Variants in KLHDC1 observed in about 807,000 individuals in gnomAD.
The protein encoded by KLHDC1 is kelch domain containing 1, also known as kelch domain-containing protein 1.
KLHDC1 carries 53 observed loss-of-function variants against 68.3 expected under a neutral mutation model. The ratio of observed to expected loss-of-function variants is 0.78; its 90% CI spans 0.62 to 0.98. The LOEUF is 0.98. KLHDC1 is among the 50% of genes least tolerant of loss of function. The pLI is 0.00. For synonymous variants in KLHDC1, 148 were observed against 159.0 expected, an observed-to-expected ratio of 0.93 and a Z score of 0.52; for missense variants, 470 against 492.3, an observed-to-expected ratio of 0.95 and a Z score of 0.43.
intron 1 of KLHDC1, among the ~76,000 whole-genome samples, chr14:49,702,669 A>G (rs970904775): frequency 6.6e-6 from 1 of 152,162 alleles, no homozygotes; most frequent in Non-Finnish European, 1.5e-5. Flanking sequence ...TGTATCCTCA[A>G]TGTCTAGAAC....
In KLHDC1 at chr14:49,709,237, AT is replaced by A; in HGVS notation, c.167+12del. The A allele has an allele frequency of 8.3e-7, 1 of 1,208,230 alleles. No homozygotes were observed. Among genetic ancestry groups the A allele is most frequent in the Non-Finnish European group, 1.2e-6 (1 of 833,736 alleles). The allele number at this position is 1,208,230 out of a possible 1,614,324, so 74.8% of individuals were successfully genotyped here. ...TATTGATAGTGGGTTGTGGTAAGTA[AT>A]TTTAAATTGCATACTGTCTGATCTT... On this transcript the variant is annotated intron_variant, in intron 2 of 12. Coordinates refer to ENST00000359332, the MANE Select transcript of KLHDC1 (RefSeq NM_172193.3).
At chr14:49,705,361 C>CTTTTTTTTTTTTTTTTTTTTTT (rs1334189965) in intron 1 of KLHDC1, among the ~76,000 whole-genome samples, 1 of 35,308 alleles carries the variant, frequency 2.8e-5, no homozygotes, top group African/African-American at 7.4e-5. Flanking sequence ...ATATTTCTTT[C>CTTTTTTTTTTTTTTTTTTTTTT]TTTCTTTTTT....
chr14:49,729,451 A>G, intron 7 of KLHDC1, 39 bp from the exon 8 acceptor site: 1 of 1,383,536 alleles, frequency 7.2e-7, no homozygotes, highest in South Asian at 1.2e-5. Flanking sequence ...CTGATAAAAG[A>G]TGTGAAATAC....
At chr14:49,750,177 T>C (rs1889291175) in intron 12 of KLHDC1, among the ~76,000 whole-genome samples, 1 of 152,214 alleles carries the variant, frequency 6.6e-6, no homozygotes, top group South Asian at 2.1e-4. Flanking sequence ...AACAGCAGAT[T>C]CCTTCGCATG....
chr14:49,717,147 G>A (rs898739194), intron 4 of KLHDC1, among the ~76,000 whole-genome samples: 9 of 152,126 alleles, frequency 5.9e-5, no homozygotes, highest in South Asian at 4.1e-4. Context: ...CTACCTTTTC[G>A]CTATTTGTGA....
At chr14:49,729,964 A>G (rs746428613) in intron 8 of KLHDC1, among the ~76,000 whole-genome samples, 21 of 152,212 alleles carry the variant, frequency 1.4e-4, no homozygotes, top group Non-Finnish European at 2.1e-4. Flanking sequence ...AATCAGAGCT[A>G]TATATTATTC....
At chr14:49,725,450 A>G (rs1207038631) in intron 5 of KLHDC1, among the ~76,000 whole-genome samples, 3 of 152,308 alleles carry the variant, frequency 2.0e-5, no homozygotes, top group Non-Finnish European at 2.9e-5. Context: ...AACAAGTAAA[A>G]TTATGATTCA....
intron 11 of KLHDC1, among the ~76,000 whole-genome samples, chr14:49,740,971 G>A (rs1889051158): frequency 6.6e-6 from 1 of 152,126 alleles, no homozygotes; most frequent in Admixed American, 6.5e-5. Flanking sequence ...GTGCATGCCT[G>A]TAGTCCCAGC....
chr14:49,733,783 A>G (rs1427803464), intron 9 of KLHDC1, among the ~76,000 whole-genome samples: 1 of 152,190 alleles, frequency 6.6e-6, no homozygotes, highest in Non-Finnish European at 1.5e-5. Context: ...AAGAAACATT[A>G]TACACTATTA....
At chr14:49,701,776 A>G (rs1347398092) in intron 1 of KLHDC1, among the ~76,000 whole-genome samples, 1 of 152,068 alleles carries the variant, frequency 6.6e-6, no homozygotes, top group African/African-American at 2.4e-5. Context: ...GCTCATGCCT[A>G]TAATCCCAGC....
At chr14:49,751,077 G>T (rs1459889593) in intron 12 of KLHDC1, 3 of 152,228 alleles carry the variant, frequency 2.0e-5, no homozygotes, top group African/African-American at 7.2e-5. Flanking sequence ...ACATAAACAG[G>T]AGCTGCCATA....
chr14:49,743,796 C>T lies in KLHDC1; in HGVS notation c.1025C>T (p.Ser342Leu), dbSNP rs1037648795. Residue 342 changes from serine to leucine, a missense_variant, in exon 12 of 13, where the codon TCA becomes TTA. By Grantham distance (145) the Ser-to-Leu change is moderately radical. Coordinates refer to ENST00000359332, the MANE Select transcript of KLHDC1 (RefSeq NM_172193.3). ...TTGATCTTTCAAACACAGCCTTATT[C>T]ACTACTCAGGTAAGCAAATTTAATA... ...DLLIFQTQPYSLLRSCLDCIG... is the reference protein window; with the variant it reads ...DLLIFQTQPYLLLRSCLDCIG... 5 of 1,570,354 alleles carry T rather than the reference C, an allele frequency of 3.2e-6. No homozygotes were observed. The highest frequency in any genetic ancestry group is 2.3e-5 in the East Asian group (1 of 44,354).
rs549283859 is a variant in KLHDC1, at chr14:49,736,066, A to G, written c.896+1405A>G. Reference sequence around the variant, plus strand: ...TCGATTTTTTCATCGGTGAAATAAGAGAGTTGGACTAGATAATCTCTTAGT... The same window carrying G: ...TCGATTTTTTCATCGGTGAAATAAGGGAGTTGGACTAGATAATCTCTTAGT... On this transcript the variant is annotated intron_variant, in intron 10 of 12. Transcript: ENST00000359332. Among the ~76,000 whole-genome samples the G allele has an allele frequency of 3.3e-5, 5 of 152,320 alleles. No homozygotes were observed. In the South Asian group the frequency reaches 1.0e-3, roughly 32 times the overall value.
At chr14:49,748,835 C>CT (rs1889258017) in intron 12 of KLHDC1, among the ~76,000 whole-genome samples, 1 of 151,104 alleles carries the variant, frequency 6.6e-6, no homozygotes, top group Admixed American at 6.6e-5. Flanking sequence ...GAGTCTCACT[C>CT]TGTCACCAAG....
intron 1 of KLHDC1, 68 bp downstream of exon 1, chr14:49,693,358 C>A: frequency 8.9e-7 from 1 of 1,119,250 alleles, no homozygotes; most frequent in Non-Finnish European, 1.2e-6. Context: ...GACGCAGCGC[C>A]CGCCACACCC....
intron 1 of KLHDC1, among the ~76,000 whole-genome samples, chr14:49,698,043 T>A (rs1020973218): frequency 6.6e-6 from 1 of 152,166 alleles, no homozygotes; most frequent in Non-Finnish European, 1.5e-5. Context: ...AGTCTAGATA[T>A]AAAGGTGGCT....
intron 1 of KLHDC1, among the ~76,000 whole-genome samples, chr14:49,694,396 T>C (rs1279238767): frequency 6.6e-6 from 1 of 152,136 alleles, no homozygotes; most frequent in Non-Finnish European, 1.5e-5. Context: ...CTGAATCATA[T>C]TGAAATGACC....
chr14:49,740,072 A>T, intron 10 of KLHDC1, 26 bp from the exon 11 acceptor site: 1 of 1,345,696 alleles, frequency 7.4e-7, no homozygotes, highest in Non-Finnish European at 1.1e-6. Flanking sequence ...ACAGTGTTTC[A>T]CTCTGTTTAT....
At chr14:49,716,302 A>C (rs932953853) in intron 4 of KLHDC1, among the ~76,000 whole-genome samples, 1 of 152,070 alleles carries the variant, frequency 6.6e-6, no homozygotes, top group South Asian at 2.1e-4. Context: ...TGTTGTTAGT[A>C]TGTAAAAGAA....
Sources: gnomAD v4.1 joint callset for allele counts (sites outside exome capture counted in the v4.1 genomes callset) on GRCh38, gnomAD v4.1.1 for gene constraint, MANE v1.5 for transcripts, NCBI Gene and HGNC (gene_info 2026-07-23, HGNC 2026-07-21) for gene names.